Variants in AKR7A3 observed in about 807,000 individuals in gnomAD.
The protein encoded by AKR7A3 is AFB1 aldehyde reductase 2.
AKR7A3 carries 37 observed loss-of-function variants against 32.5 expected under a neutral mutation model. The observed-to-expected ratio is 1.14, with a 90% CI of 0.88 to 1.50. The LOEUF is 1.50. Ranked by LOEUF, AKR7A3 falls within the 40% of genes most tolerant of loss-of-function variation. The pLI is 0.00. For missense variants in AKR7A3, 412 were observed against 453.2 expected (o/e 0.91, Z 0.83); for synonymous variants, 177 against 188.4 (o/e 0.94, Z 0.50).
In AKR7A3 at chr1:19,288,749, G is replaced by A. The variant is rs148972615; in HGVS notation, c.-40C>T. ...GAGACTGTGACAGCCCAGGAGCCGCGCGCAGCGGTCGGAAGCACCAGGCTC... is the reference window on the plus strand; with the variant it reads ...GAGACTGTGACAGCCCAGGAGCCGCACGCAGCGGTCGGAAGCACCAGGCTC... On this transcript the variant is annotated 5_prime_UTR_variant, in exon 1 of 7. Transcript: ENST00000361640. The A allele has an allele frequency of 2.4e-4, 340 of 1,421,750 alleles. No individual in the cohort carries two copies. Among genetic ancestry groups the A allele is most frequent in the Admixed American group, 3.7e-4 (13 of 35,586 alleles). 88.1% of individuals were successfully genotyped at this position (1,421,750 alleles called of 1,614,324 possible).
chr1:19,284,856 G>A, intron 4 of AKR7A3, 71 bp from the exon 5 acceptor site: 1 of 1,579,282 alleles, frequency 6.3e-7, no homozygotes, highest in South Asian at 1.1e-5. Flanking sequence ...CAGGGCTCTG[G>A]TCTAGGGGAG....
chr1:19,277,590 C>T (rs866238486), downstream of AKR7A3, among the ~76,000 whole-genome samples: 3 of 151,652 alleles, frequency 2.0e-5, no homozygotes, highest in East Asian at 3.9e-4. Context: ...GGTGCGATCT[C>T]GGCTCACTGC....
chr1:19,282,059 C>T (rs535857100), downstream of AKR7A3, among the ~76,000 whole-genome samples: 17 of 152,034 alleles, frequency 1.1e-4, no homozygotes, highest in South Asian at 3.5e-3. Flanking sequence ...CAAGTTAAGA[C>T]TTTGGGTGAC....
chr1:19,286,134 G>A (rs915728507), intron 2 of AKR7A3, 51 bp downstream of exon 2: 9 of 1,602,120 alleles, frequency 5.6e-6, no homozygotes, highest in Non-Finnish European at 7.7e-6. Flanking sequence ...TTAGGATCAG[G>A]ATAAGGAGAG....
At chr1:19,286,407 C>T (rs542647817) in intron 1 of AKR7A3, 35 bp from the exon 2 acceptor site, 108 of 1,602,700 alleles carry the variant, frequency 6.7e-5, no homozygotes, top group Non-Finnish European at 8.0e-5. Context: ...CAGGGCCAGG[C>T]GCCGTGGCTC....
chr1:19,275,366 G>A, the AKR7A3 span, among the ~76,000 whole-genome samples: 3 of 151,044 alleles, frequency 2.0e-5, no homozygotes, highest in Admixed American at 6.6e-5. Context: ...AGCCAAGATC[G>A]CACCATTGCA....
At chr1:19,285,418 T>A (rs1488591551) in intron 3 of AKR7A3, among the ~76,000 whole-genome samples, 1 of 151,338 alleles carries the variant, frequency 6.6e-6, no homozygotes, top group Non-Finnish European at 1.5e-5. Flanking sequence ...TATAATCAAG[T>A]CATGAGGCAA....
chr1:19,280,866 G>A (rs759451227), downstream of AKR7A3, among the ~76,000 whole-genome samples: 12 of 151,852 alleles, frequency 7.9e-5, no homozygotes, highest in African/African-American at 1.5e-4. Flanking sequence ...CACCGCGCCC[G>A]GCCTAAAGAT....
chr1:19,274,736 A>G, the AKR7A3 span, among the ~76,000 whole-genome samples: 1 of 151,152 alleles, frequency 6.6e-6, no homozygotes, highest in Non-Finnish European at 1.5e-5. Flanking sequence ...GCCTGAGCCC[A>G]GGAGTTTGAA....
chr1:19,288,399 G>A, intron 1 of AKR7A3, 97 bp downstream of exon 1: 2 of 1,437,204 alleles, frequency 1.4e-6, no homozygotes, highest in Non-Finnish European at 1.9e-6. Context: ...ACAAAACTTT[G>A]GGTGCTGCCC....
At chr1:19,278,322 G>T (rs1468178129), downstream of AKR7A3, among the ~76,000 whole-genome samples, 1 of 151,758 alleles carries the variant, frequency 6.6e-6, no homozygotes, top group African/African-American at 2.4e-5. Flanking sequence ...ACTTTGGGAG[G>T]CCAAGGGCAG....
the AKR7A3 span, among the ~76,000 whole-genome samples, chr1:19,276,441 A>T: frequency 6.6e-6 from 1 of 151,538 alleles, no homozygotes; most frequent in Non-Finnish European, 1.5e-5. Context: ...CAACAACAGC[A>T]GAATATGCAT....
At chr1:19,275,785 G>A in the AKR7A3 span, among the ~76,000 whole-genome samples, 9 of 151,792 alleles carry the variant, frequency 5.9e-5, no homozygotes, top group Non-Finnish European at 5.9e-5. Context: ...AACCTGGGCA[G>A]CAGATTGAGA....
chr1:19,284,815 C>A, intron 4 of AKR7A3, 30 bp from the exon 5 acceptor site: 1 of 1,609,084 alleles, frequency 6.2e-7, no homozygotes, highest in Non-Finnish European at 8.5e-7. Flanking sequence ...AGCCCCGGGG[C>A]CTAGAGTGCC....
At position 19,283,976 on chromosome 1, in the gene AKR7A3, C is replaced by T. The variant is rs550188783; in HGVS notation, c.834+20G>A. The T allele has an allele frequency of 2.9e-5, 47 of 1,612,600 alleles. No individual in the cohort carries two copies. In the Admixed American group the frequency reaches 4.5e-4, roughly 15 times the overall value. The stretch of plus-strand genomic sequence containing the variant: ...TTCCCCTGGAAGGGAAGAAGCTGAG[C>T]GCACAGGGTCACTGGTTACCTGCAG... On this transcript the variant is annotated intron_variant, in intron 6 of 6. Transcript: ENST00000361640.
chr1:19,285,118 T>C lies in AKR7A3; in HGVS notation c.508-4A>G. On this transcript the variant is annotated splice_polypyrimidine_tract_variant and splice_region_variant and intron_variant, in intron 3 of 6. Coordinates refer to ENST00000361640, the MANE Select transcript of AKR7A3 (RefSeq NM_012067.3). ...GGGTGATGGCATTGTACATGCCCTG[T>C]AAGGAGAGGGGCCCCGGGGGAGAGG... The C allele has an allele frequency of 6.2e-6, 10 of 1,613,170 alleles. No individual in the cohort carries two copies. The highest frequency in any genetic ancestry group is 2.2e-5 in the East Asian group (1 of 44,816).
chr1:19,279,077 G>T (rs950145710), downstream of AKR7A3, among the ~76,000 whole-genome samples: 3 of 151,740 alleles, frequency 2.0e-5, no homozygotes, highest in South Asian at 2.1e-4. Context: ...TCCCACCTCG[G>T]CTTCCTGAGT....
At chr1:19,274,756 G>A in the AKR7A3 span, among the ~76,000 whole-genome samples, 1 of 150,732 alleles carries the variant, frequency 6.6e-6, no homozygotes, top group South Asian at 2.1e-4. Flanking sequence ...ATCCAGCCTG[G>A]GCAACATAGG....
In AKR7A3 at chr1:19,285,976, A is replaced by C. The variant is rs1260261336; in HGVS notation, c.419T>G (p.Leu140Arg). 1 of 1,613,638 alleles carries C rather than the reference A, an allele frequency of 6.2e-7. No homozygotes were observed. The highest frequency in any genetic ancestry group is 1.3e-5 in the African/African-American group (1 of 74,598). The change falls in exon 3 of 7, where the codon CTT becomes CGT. Residue 140 changes from leucine (L) to arginine (R), a missense_variant. Physicochemically the swap from Leu to Arg is moderately radical, Grantham distance 102. Coordinates refer to ENST00000361640, the MANE Select transcript of AKR7A3 (RefSeq NM_012067.3). ...CCAGGCTGCATAGTTGGAGAGGCCA[A>C]GCTCCACGAACTTGCCCTGCTCAGG... ...QLHQEGKFVE[L>R]GLSNYAAWEV...
Sources: gnomAD v4.1 joint callset for allele counts (sites outside exome capture counted in the v4.1 genomes callset) on GRCh38, gnomAD v4.1.1 for gene constraint, MANE v1.5 for transcripts, NCBI Gene and HGNC (gene_info 2026-07-23, HGNC 2026-07-21) for gene names.